PPP1R12B: variants seen among roughly 807,000 people sequenced by gnomAD.
PPP1R12B encodes myosin phosphatase target subunit 2.
Under a neutral mutation model 126.1 loss-of-function variants are expected in PPP1R12B, and 76 were observed. The ratio of observed to expected loss-of-function variants is 0.60; its 90% CI spans 0.50 to 0.73. The LOEUF is 0.73. PPP1R12B is among the 30% of genes least tolerant of loss of function. PPP1R12B has a pLI of 0.00. For missense variants in PPP1R12B, 1,052 were observed against 1,205.1 expected, an observed-to-expected ratio of 0.87 and a Z score of 1.88; for synonymous variants, 356 against 434.7, an observed-to-expected ratio of 0.82 and a Z score of 2.25.
At chr1:202,435,281 CCAAA>C (rs1166958416) in intron 9 of PPP1R12B, among the ~76,000 whole-genome samples, 1 of 152,126 alleles carries the variant, frequency 6.6e-6, no homozygotes, top group Non-Finnish European at 1.5e-5. Context: ...AAGATTATTA[CCAAA>C]CAAATTTGGC....
At position 202,389,902 on chromosome 1, in the gene PPP1R12B, G is replaced by T. The variant is rs549298837; in HGVS notation, c.292-26885G>T. On this transcript the variant is annotated intron_variant, in intron 1 of 23. Coordinates refer to ENST00000608999, the MANE Select transcript of PPP1R12B (RefSeq NM_002481.4). Reference sequence around the variant, plus strand: ...AGATCGCTCCACTGCACTCCAGTCTGGGCGACAGAGCGGGACTCTGTCTCA... The same window carrying T: ...AGATCGCTCCACTGCACTCCAGTCTTGGCGACAGAGCGGGACTCTGTCTCA... Among the ~76,000 whole-genome samples the T allele has an allele frequency of 2.0e-4, 29 of 148,346 alleles. No homozygotes were observed. In the Middle Eastern group the frequency reaches 0.014, roughly 71 times the overall value.
At chr1:202,389,271 A>C (rs1000945485) in intron 1 of PPP1R12B, among the ~76,000 whole-genome samples, 11 of 152,250 alleles carry the variant, frequency 7.2e-5, no homozygotes, top group African/African-American at 2.7e-4. Flanking sequence ...AAAGTTGAAA[A>C]ACAAATGACA....
At chr1:202,461,599 G>A (rs1311994159) in intron 13 of PPP1R12B, among the ~76,000 whole-genome samples, 2 of 152,194 alleles carry the variant, frequency 1.3e-5, no homozygotes, top group Admixed American at 6.5e-5. Flanking sequence ...TTTTAGGGAT[G>A]TTTAATTTTT....
rs900208815 is a variant in PPP1R12B at position 202,349,042 on chromosome 1, C to T, written c.191C>T (p.Ala64Val). The T allele has an allele frequency of 8.7e-6, 14 of 1,613,484 alleles. No individual in the cohort carries two copies. Among genetic ancestry groups the T allele is most frequent in the African/African-American group, 1.3e-5 (1 of 74,942 alleles). Residue 64 changes from alanine to valine, a missense_variant, in exon 1 of 24, where the codon GCC becomes GTC. Physicochemically the swap from Ala to Val is moderately conservative, Grantham distance 64. Coordinates refer to ENST00000608999, the MANE Select transcript of PPP1R12B (RefSeq NM_002481.4). ...TTCGAGGACGGTGCTGTCTTTCTGG[C>T]CGCCTGCTCTAGCGGGGACACCGAC... is the stretch of plus-strand genomic sequence containing the variant. ...VRFEDGAVFL[A>V]ACSSGDTDEV...
At chr1:202,490,473 T>C (rs1678713416) in intron 14 of PPP1R12B, among the ~76,000 whole-genome samples, 1 of 152,212 alleles carries the variant, frequency 6.6e-6, no homozygotes, top group Admixed American at 6.5e-5. Flanking sequence ...TGTTTTATTG[T>C]GGTGAAATAT....
Position 202,585,661 on chromosome 1 carries a change from A to G in PPP1R12B, c.*5101A>G, listed in dbSNP as rs1235767151. 6.6e-6 allele frequency: 1 copy of G among 152,206 alleles called. No individual in the cohort carries two copies. Among genetic ancestry groups the G allele is most frequent in the Non-Finnish European group, 1.5e-5 (1 of 68,030 alleles). The allele number at this position is 152,206 out of a possible 1,614,324, so 9.4% of individuals were successfully genotyped here. ...ATTTTTTGTTTTCTTCTGGATTTAA[A>G]CTGTTTAATATGAGCACATCAAGGT... On this transcript the variant is annotated 3_prime_UTR_variant, in exon 24 of 24. Coordinates refer to ENST00000608999, the MANE Select transcript of PPP1R12B (RefSeq NM_002481.4).
At chr1:202,494,712 A>AAAAAGAAAAG in intron 15 of PPP1R12B, among the ~76,000 whole-genome samples, 1 of 151,970 alleles carries the variant, frequency 6.6e-6, no homozygotes, top group East Asian at 1.9e-4. Context: ...TCTCAAAAAA[A>AAAAAGAAAAG]AAAAGAAAAG....
chr1:202,543,811 C>T (rs1685370109), intron 18 of PPP1R12B, among the ~76,000 whole-genome samples: 1 of 152,194 alleles, frequency 6.6e-6, no homozygotes, highest in African/African-American at 2.4e-5. Context: ...GGCATGCCCT[C>T]ACTCGCTCCT....
rs368811418 is a variant in PPP1R12B at position 202,452,085 on chromosome 1, C to T, written c.1850+2914C>T. Among the ~76,000 whole-genome samples, 10 of 151,432 alleles carry T rather than the reference C, an allele frequency of 6.6e-5. No homozygotes were observed. The South Asian group carries it at 1.0e-3, about 16-fold the overall frequency. ...CCCAGACGGGGCGGCGGGGCAGAGG[C>T]GCTCCCCACATCTCAGACGATGGGC... On this transcript the variant is annotated intron_variant, in intron 13 of 23. Coordinates refer to ENST00000608999, the MANE Select transcript of PPP1R12B (RefSeq NM_002481.4).
intron 8 of PPP1R12B, among the ~76,000 whole-genome samples, chr1:202,432,430 G>A (rs1194023143): frequency 1.3e-5 from 2 of 152,030 alleles, no homozygotes; most frequent in African/African-American, 4.8e-5. Context: ...ATCATGCCCA[G>A]CTAATTTTAG....
chr1:202,515,552 A>G (rs2148903427), intron 18 of PPP1R12B, among the ~76,000 whole-genome samples: 1 of 152,076 alleles, frequency 6.6e-6, no homozygotes, highest in South Asian at 2.1e-4. Context: ...GTGTCCATAT[A>G]TCTTTTTTTT....
intron 13 of PPP1R12B, among the ~76,000 whole-genome samples, chr1:202,487,588 A>G (rs1348519520): frequency 6.6e-6 from 1 of 151,910 alleles, no homozygotes; most frequent in Non-Finnish European, 1.5e-5. Context: ...CCCGTTATCC[A>G]TGGAAGATAC....
At chr1:202,514,518 A>T (rs1405665717) in intron 18 of PPP1R12B, among the ~76,000 whole-genome samples, 1 of 152,050 alleles carries the variant, frequency 6.6e-6, no homozygotes, top group African/African-American at 2.4e-5. Context: ...TATGTCCAGG[A>T]TGGTATTGCC....
At chr1:202,580,345 G>A in intron 23 of PPP1R12B, 129 bp from the exon 24 acceptor site, 1 of 643,540 alleles carries the variant, frequency 1.6e-6, no homozygotes, top group South Asian at 1.9e-5. Flanking sequence ...CTGGGAGAAG[G>A]GACCATGAGA....
At chr1:202,439,358 C>T (rs1240575595) in intron 10 of PPP1R12B, 16 of 1,319,424 alleles carry the variant, frequency 1.2e-5, no homozygotes, top group South Asian at 3.6e-5. Context: ...AGACGATCCA[C>T]GCAGAACTCT....
rs1558109698 is a variant in PPP1R12B, at chr1:202,348,809, T to C, written c.-43T>C. 9 of 1,575,026 alleles carry C rather than the reference T, an allele frequency of 5.7e-6. No individual in the cohort carries two copies. The highest frequency in any genetic ancestry group is 2.3e-4 in the Middle Eastern group (1 of 4,302). ...GCGGCAACTCGAGCCCCAACAGTAA[T>C]TTAGTGTTGGTAGTTTTGGCAGCAG... On this transcript the variant is annotated 5_prime_UTR_variant, in exon 1 of 24. Coordinates refer to ENST00000608999, the MANE Select transcript of PPP1R12B (RefSeq NM_002481.4).
At chr1:202,386,079 G>A (rs1477281037) in intron 1 of PPP1R12B, among the ~76,000 whole-genome samples, 5 of 151,474 alleles carry the variant, frequency 3.3e-5, no homozygotes, top group African/African-American at 7.3e-5. Context: ...GACTACAGGC[G>A]CCCGCCACCA....
chr1:202,445,908 T>G (rs1364563873), intron 12 of PPP1R12B, among the ~76,000 whole-genome samples: 1 of 152,110 alleles, frequency 6.6e-6, no homozygotes, highest in Non-Finnish European at 1.5e-5. Context: ...CTCTTTTTTT[T>G]GGGTCTGTGT....
In PPP1R12B at chr1:202,526,734, A is replaced by T. The variant is rs148904132; in HGVS notation, c.2490+29912A>T. On this transcript the variant is annotated intron_variant, in intron 18 of 23. Transcript: ENST00000608999. ...TAAGCTGGAAAGATACGATGTGGAG[A>T]TACAGAATTGAGATTATGGAGGGGT... Among the ~76,000 whole-genome samples the T allele has an allele frequency of 2.5e-3, 386 of 152,300 alleles. 3 individuals carry two copies. The highest frequency in any genetic ancestry group is 9.0e-3 in the African/African-American group (374 of 41,550).
Sources: allele counts gnomAD v4.1 joint callset (sites outside exome capture counted in the v4.1 genomes callset), GRCh38; gene constraint gnomAD v4.1.1; transcripts MANE v1.5; gene names NCBI Gene and HGNC (gene_info 2026-07-23, HGNC 2026-07-21).